The following RBFOX1 variants were observed in gnomAD, a reference collection of about 807,000 sequenced individuals.
RBFOX1 encodes RNA binding protein fox-1 homolog 1.
In RBFOX1, 8 loss-of-function variants were observed where a neutral mutation model predicts 57.7. That is an observed-to-expected ratio of 0.14 (90% CI 0.08 to 0.25). The LOEUF is 0.25. Ranked by LOEUF, RBFOX1 falls within the 10% of genes least tolerant of loss-of-function variation. The pLI, the probability that RBFOX1 is intolerant of heterozygous loss-of-function variation, is 1.00. For synonymous variants in RBFOX1, 326 were observed against 222.4 expected, an observed-to-expected ratio of 1.47 and a Z score of -4.15; for missense variants, 611 against 548.5, an observed-to-expected ratio of 1.11 and a Z score of -1.14.
chr16:7,495,885 A>T (rs187847004), intron 4 of RBFOX1, among the ~76,000 whole-genome samples: 7 of 117,706 alleles, frequency 5.9e-5, no homozygotes, highest in African/African-American at 2.0e-4. Context: ...TTTCTTCTCC[A>T]TTCAAAGATA....
At position 6,843,485 on chromosome 16, in the gene RBFOX1, G is replaced by A. The variant is rs981817060; in HGVS notation, c.-16+188835G>A. Among the ~76,000 whole-genome samples, 5 of 152,152 alleles carry A rather than the reference G, an allele frequency of 3.3e-5. 2 individuals are homozygous for A. Among genetic ancestry groups the A allele is most frequent in the Admixed American group, 6.5e-5 (1 of 15,282 alleles). On this transcript the variant is annotated intron_variant, in intron 3 of 15. Coordinates refer to ENST00000550418, the MANE Select transcript of RBFOX1 (RefSeq NM_018723.4). ...GGGCAGATCACGAGGTCAGGAGATC[G>A]AGACCATCCTGGCTAACACTGTGAA...
Position 6,516,070 on chromosome 16 carries a change from C to T in RBFOX1, c.-63-138533C>T, listed in dbSNP as rs11642365. Among the ~76,000 whole-genome samples, 1,183 of 152,076 alleles carry T rather than the reference C, an allele frequency of 7.8e-3. 2 individuals carry two copies. Among genetic ancestry groups the T allele is most frequent in the Middle Eastern group, 0.048 (14 of 294 alleles). On this transcript the variant is annotated intron_variant, in intron 2 of 15. Transcript: ENST00000550418. Reference sequence around the variant, plus strand: ...CCAGAGCAATGGTACACTCCAATCCCGGAGCTGGAGTGCAATGATAGAATC... The same window carrying T: ...CCAGAGCAATGGTACACTCCAATCCTGGAGCTGGAGTGCAATGATAGAATC...
intron 1 of RBFOX1, among the ~76,000 whole-genome samples, chr16:5,303,609 C>T (rs1288106324): frequency 6.6e-6 from 1 of 152,148 alleles, no homozygotes; most frequent in Non-Finnish European, 1.5e-5. Context: ...TGATTCCAAA[C>T]AGCGCTTGGG....
chr16:7,567,133 G>A (rs373265063), intron 5 of RBFOX1, among the ~76,000 whole-genome samples: 16,328 of 81,606 alleles, frequency 0.2, 3,907 homozygotes, highest in South Asian at 0.31. Context: ...CCCTATATAT[G>A]TATATCCATA....
At chr16:5,944,099 T>G (rs1473714784) in intron 4 of RBFOX1, among the ~76,000 whole-genome samples, 1 of 152,132 alleles carries the variant, frequency 6.6e-6, no homozygotes, top group African/African-American at 2.4e-5. Flanking sequence ...TCAATTCCAT[T>G]CCAGACACAT....
intron 3 of RBFOX1, among the ~76,000 whole-genome samples, chr16:6,939,603 C>G (rs1375446892): frequency 2.6e-5 from 4 of 151,580 alleles, no homozygotes; most frequent in African/African-American, 7.3e-5. Context: ...CCTCTCCCTC[C>G]CAAGTTCACT....
chr16:7,268,712 A>AGGCT, intron 4 of RBFOX1, among the ~76,000 whole-genome samples: 1 of 152,028 alleles, frequency 6.6e-6, no homozygotes, highest in East Asian at 1.9e-4. Flanking sequence ...CCTCCTTGGG[A>AGGCT]CTAGCCTTTT....
chr16:6,366,659 T>C (rs1161479573), intron 2 of RBFOX1, among the ~76,000 whole-genome samples: 1 of 152,196 alleles, frequency 6.6e-6, no homozygotes, highest in Non-Finnish European at 1.5e-5. Context: ...TTTACATAGA[T>C]AATTTTATTT....
chr16:5,669,547 G>A (rs544921174), intron 3 of RBFOX1, among the ~76,000 whole-genome samples: 1 of 149,834 alleles, frequency 6.7e-6, no homozygotes, highest in Admixed American at 6.7e-5. Flanking sequence ...AGCCTGCCAA[G>A]TAGCCGGGAT....
intron 3 of RBFOX1, among the ~76,000 whole-genome samples, chr16:6,817,272 C>T (rs1603628404): frequency 6.6e-6 from 1 of 152,114 alleles, no homozygotes; most frequent in Admixed American, 6.5e-5. Context: ...CTTCTGACCA[C>T]CTTAATGTGT....
rs115375231 is a variant in RBFOX1, at chr16:6,209,709, G to A, written c.-126-107286G>A. ...CTGTCTGATCTTCAGAAAGGGAGGG[G>A]CAAGCCATTGTCACTGGATGATTGA... On this transcript the variant is annotated intron_variant, in intron 1 of 15. Transcript: ENST00000550418. 4.2e-3 allele frequency among the ~76,000 whole-genome samples: 646 copies of A among 152,304 alleles called. 3 individuals are homozygous for A. Among genetic ancestry groups the A allele is most frequent in the African/African-American group, 0.015 (616 of 41,572 alleles).
chr16:5,631,827 C>A (rs565622727), intron 3 of RBFOX1, among the ~76,000 whole-genome samples: 9 of 152,238 alleles, frequency 5.9e-5, no homozygotes, highest in African/African-American at 1.9e-4. Flanking sequence ...TTTTCTCTTA[C>A]AAAGTCAAAA....
At chr16:7,416,438 C>T (rs1002158220) in intron 4 of RBFOX1, among the ~76,000 whole-genome samples, 1 of 152,146 alleles carries the variant, frequency 6.6e-6, no homozygotes, top group Non-Finnish European at 1.5e-5. Context: ...TCACCCCCAA[C>T]CTCTGCTGAT....
At chr16:7,074,032 C>T (rs1022551136) in intron 4 of RBFOX1, among the ~76,000 whole-genome samples, 3 of 152,130 alleles carry the variant, frequency 2.0e-5, no homozygotes, top group African/African-American at 4.8e-5. Flanking sequence ...CCTATGGCTT[C>T]TTTTGTTTTG....
intron 4 of RBFOX1, among the ~76,000 whole-genome samples, chr16:7,470,132 C>T (rs1008397696): frequency 1.3e-5 from 2 of 151,626 alleles, no homozygotes; most frequent in African/African-American, 4.9e-5. Context: ...TTGATTAGTG[C>T]AAATAATGTT....
At position 6,146,379 on chromosome 16, in the gene RBFOX1, T is replaced by TCAG. The variant is rs576862453; in HGVS notation, c.-127+126389_-127+126391dup. Among the ~76,000 whole-genome samples, 31 of 152,338 alleles carry TCAG rather than the reference T, an allele frequency of 2.0e-4. No homozygotes were observed. The East Asian group carries it at 5.8e-3, about 28-fold the overall frequency. On this transcript the variant is annotated intron_variant, in intron 1 of 15. Transcript: ENST00000550418. ...CCAGATTAGCCTCCAAAATTGTAGA[T>TCAG]CAGCTGTTTTCAACCTCAACACTAT... is the stretch of plus-strand genomic sequence containing the variant.
At chr16:6,992,474 A>G (rs2091648171) in intron 3 of RBFOX1, among the ~76,000 whole-genome samples, 1 of 152,100 alleles carries the variant, frequency 6.6e-6, no homozygotes. Flanking sequence ...TTGGCCTCCC[A>G]AAGTGCTGGG....
intron 4 of RBFOX1, among the ~76,000 whole-genome samples, chr16:7,485,745 A>G (rs533735436): frequency 6.6e-6 from 1 of 152,318 alleles, no homozygotes; most frequent in African/African-American, 2.4e-5. Context: ...ACATATATGT[A>G]TTTCCCAACT....
chr16:7,517,047 A>C (rs1473571619), intron 4 of RBFOX1, among the ~76,000 whole-genome samples: 5 of 151,658 alleles, frequency 3.3e-5, no homozygotes, highest in African/African-American at 9.7e-5. Context: ...CTAATTGCTA[A>C]GTTTTTTTCC....
Sources: gnomAD v4.1 joint callset for allele counts (sites outside exome capture counted in the v4.1 genomes callset) on GRCh38, gnomAD v4.1.1 for gene constraint, MANE v1.5 for transcripts, NCBI Gene and HGNC (gene_info 2026-07-23, HGNC 2026-07-21) for gene names.